NLGN4Y: variants seen among roughly 807,000 people sequenced by gnomAD.
NLGN4Y encodes the protein neuroligin-4, Y-linked.
NLGN4Y carries 4 observed loss-of-function variants against 8.4 expected under a neutral mutation model. That is an observed-to-expected ratio of 0.48 (90% confidence interval 0.23 to 1.09). NLGN4Y has a LOEUF of 1.09. Ranked by LOEUF, NLGN4Y falls within the 50% of genes least tolerant of loss-of-function variation. The pLI is 0.19. For synonymous variants in NLGN4Y, 35 were observed against 75.6 expected (o/e 0.46, Z 2.78); for missense variants, 90 against 192.3 (o/e 0.47, Z 3.15).
At chrY:14,796,106 T>G in intron 4 of NLGN4Y, among the ~76,000 whole-genome samples, 1 of 33,235 alleles carries the variant, frequency 3.0e-5, no homozygotes, top group Non-Finnish European at 7.4e-5. Flanking sequence ...ATCATTTGAG[T>G]CTTAGAGAAG....
rs769995669 is a variant in NLGN4Y, at chrY:14,830,278, G to A, written c.1420G>A (p.Val474Met). The change falls in exon 6 of 7, where the codon GTG becomes ATG. Residue 474 changes from valine to methionine, a missense_variant. By Grantham distance (21) the Val-to-Met change is conservative (BLOSUM62 1). Around this residue, in one of 4 missense-constraint regions of NLGN4Y, gnomAD observed 37 missense variants for 94.0 expected, o/e 0.39. Coordinates refer to ENST00000684976, the MANE Select transcript of NLGN4Y (RefSeq NM_001365588.1). ...FTDHQWVAPA[V>M]ATADLHAQYG... is the part of the protein sequence containing the mutation. ...TGACCATCAGTGGGTGGCCCCCGCCGTGGCCACCGCCGACCTGCACGCGCA... is the reference window on the plus strand; with the variant it reads ...TGACCATCAGTGGGTGGCCCCCGCCATGGCCACCGCCGACCTGCACGCGCA... 2.3e-5 allele frequency: 9 copies of A among 397,163 alleles called. No homozygotes were observed. Among genetic ancestry groups the A allele is most frequent in the African/African-American group, 1.3e-4 (2 of 15,707 alleles).
chrY:14,755,302 G>T, intron 4 of NLGN4Y, among the ~76,000 whole-genome samples: 1 of 33,199 alleles, frequency 3.0e-5, no homozygotes, highest in African/African-American at 1.2e-4. Context: ...GTTATCTTAT[G>T]TTTTGTTAAT....
intron 1 of NLGN4Y, among the ~76,000 whole-genome samples, chrY:14,587,108 A>G (rs2080344253): frequency 3.0e-5 from 1 of 33,713 alleles, no homozygotes; most frequent in Non-Finnish European, 7.3e-5. Context: ...CCTTTGTAGA[A>G]GAACTCGGTT....
chrY:14,573,205 G>T, intron 1 of NLGN4Y, among the ~76,000 whole-genome samples: 2 of 33,238 alleles, frequency 6.0e-5, no homozygotes, highest in African/African-American at 2.4e-4. Context: ...GGTAGAATTC[G>T]GCTGTGAATC....
intron 1 of NLGN4Y, among the ~76,000 whole-genome samples, chrY:14,567,003 A>C: frequency 9.0e-5 from 3 of 33,452 alleles, no homozygotes; most frequent in Admixed American, 2.8e-4. Context: ...TGGAAACTGA[A>C]CAACCCGCTC....
At chrY:14,826,799 G>C in intron 5 of NLGN4Y, among the ~76,000 whole-genome samples, 1 of 32,951 alleles carries the variant, frequency 3.0e-5, no homozygotes, top group Admixed American at 2.8e-4. Flanking sequence ...TGTGGTCTCA[G>C]TTGCTTGGGA....
chrY:14,753,824 CT>C, intron 4 of NLGN4Y, among the ~76,000 whole-genome samples: 1 of 32,022 alleles, frequency 3.1e-5, no homozygotes, highest in Non-Finnish European at 7.6e-5. Flanking sequence ...AAATATATGT[CT>C]TTTTTTTAAT....
At chrY:14,746,303 A>C in intron 4 of NLGN4Y, among the ~76,000 whole-genome samples, 1 of 33,306 alleles carries the variant, frequency 3.0e-5, no homozygotes, top group African/African-American at 1.2e-4. Flanking sequence ...TGACCCTCAC[A>C]TGGTTTCCAG....
chrY:14,790,071 T>C, intron 4 of NLGN4Y, among the ~76,000 whole-genome samples: 1 of 32,945 alleles, frequency 3.0e-5, no homozygotes, highest in Non-Finnish European at 7.5e-5. Context: ...TTCTGGAACA[T>C]AACTGGGCAC....
intron 4 of NLGN4Y, among the ~76,000 whole-genome samples, chrY:14,806,014 CG>C (rs2043055356): frequency 3.0e-5 from 1 of 33,083 alleles, no homozygotes; most frequent in African/African-American, 1.2e-4. Flanking sequence ...TGGTGGCAGG[CG>C]CCTGTAGTGC....
At chrY:14,574,539 GT>G (rs2080289136) in intron 1 of NLGN4Y, among the ~76,000 whole-genome samples, 1 of 33,060 alleles carries the variant, frequency 3.0e-5, no homozygotes, top group Non-Finnish European at 7.4e-5. Context: ...GGTCTTGACT[GT>G]TTATCTAATT....
chrY:14,777,463 C>G lies in NLGN4Y; in HGVS notation c.686-46725C>G, dbSNP rs367975119. ...TGTTGTAAAGTCAGATATACCATTG[C>G]AAGTTTAAAAACAGAGAGTACTTTG... is the stretch of plus-strand genomic sequence containing the variant. On this transcript the variant is annotated intron_variant, in intron 4 of 6. Transcript: ENST00000684976. Among the ~76,000 whole-genome samples the G allele has an allele frequency of 5.1e-3, 171 of 33,467 alleles. No homozygotes were observed. The South Asian group carries it at 0.1, about 20-fold the overall frequency. The allele number at this position is 33,467 out of a possible 37,273, so 89.8% of individuals were successfully genotyped here. A position where few individuals can be genotyped will look rare whatever the true frequency, so the allele number is the denominator to read the frequency against.
chrY:14,812,736 T>A (rs900438897), intron 4 of NLGN4Y, among the ~76,000 whole-genome samples: 1 of 32,657 alleles, frequency 3.1e-5, no homozygotes, highest in Non-Finnish European at 7.5e-5. Context: ...CTCTCTACAA[T>A]CAGGAGGCAA....
At chrY:14,730,370 T>G in intron 4 of NLGN4Y, among the ~76,000 whole-genome samples, 1 of 33,284 alleles carries the variant, frequency 3.0e-5, no homozygotes, top group Non-Finnish European at 7.4e-5. Context: ...ATCACGCTAC[T>G]ACACTCTGAC....
chrY:14,623,222 G>A, intron 2 of NLGN4Y, among the ~76,000 whole-genome samples: 1 of 33,785 alleles, frequency 3.0e-5, no homozygotes, highest in African/African-American at 1.2e-4. Flanking sequence ...TAGACGTGAT[G>A]TGTTTATATT....
chrY:14,798,938 G>C, intron 4 of NLGN4Y, among the ~76,000 whole-genome samples: 1 of 33,872 alleles, frequency 3.0e-5, no homozygotes, highest in African/African-American at 1.2e-4. Context: ...AAACCTGCAA[G>C]GAAGGCTTCT....
chrY:14,752,260 A>AT (rs1320480284), intron 4 of NLGN4Y, among the ~76,000 whole-genome samples: 180 of 32,895 alleles, frequency 5.5e-3, no homozygotes, highest in Non-Finnish European at 0.012. Flanking sequence ...CAGTAATCAC[A>AT]TTTTTTATCA....
chrY:14,691,369 A>C (rs373112586), intron 2 of NLGN4Y, among the ~76,000 whole-genome samples: 1,621 of 33,536 alleles, frequency 0.048, no homozygotes, highest in Middle Eastern at 0.35. Flanking sequence ...TCAGTAGACC[A>C]AAGGTGAGGT....
intron 1 of NLGN4Y, among the ~76,000 whole-genome samples, chrY:14,560,988 G>A (rs993385968): frequency 1.8e-4 from 6 of 32,941 alleles, no homozygotes; most frequent in Admixed American, 5.6e-4. Context: ...AGACCCAGGG[G>A]CATGAAAACA....
Sources: allele counts gnomAD v4.1 joint callset (sites outside exome capture counted in the v4.1 genomes callset), GRCh38; gene constraint gnomAD v4.1.1; regional missense constraint gnomAD v4.1.1; transcripts MANE v1.5; gene names NCBI Gene and HGNC (gene_info 2026-07-23, HGNC 2026-07-21).